Variants in ADRA1B observed in about 807,000 individuals in gnomAD.
The protein encoded by ADRA1B is alpha-1B adrenergic receptor.
In ADRA1B, 17 loss-of-function variants were observed where a neutral mutation model predicts 17.9. The ratio of observed to expected loss-of-function variants is 0.95; its 90% CI spans 0.65 to 1.42. The LOEUF is 1.42. ADRA1B is among the 40% of genes most tolerant of loss of function. The pLI is 0.00. For missense variants in ADRA1B, 681 were observed against 722.1 expected, an observed-to-expected ratio of 0.94 and a Z score of 0.65; for synonymous variants, 366 against 327.6, an observed-to-expected ratio of 1.12 and a Z score of -1.27.
intron 1 of ADRA1B, among the ~76,000 whole-genome samples, chr5:159,951,936 C>T (rs1471137026): frequency 6.6e-6 from 1 of 152,208 alleles, no homozygotes; most frequent in Admixed American, 6.5e-5. Flanking sequence ...TCTCTTCTCC[C>T]TCCACCTTCT....
chr5:159,973,763 A>G (rs1755929285), downstream of ADRA1B, among the ~76,000 whole-genome samples: 1 of 152,194 alleles, frequency 6.6e-6, no homozygotes, highest in Non-Finnish European at 1.5e-5. Flanking sequence ...TATTGTATGA[A>G]GAGCAGAGAC....
chr5:159,936,850 C>T (rs1754968265), intron 1 of ADRA1B, among the ~76,000 whole-genome samples: 1 of 152,200 alleles, frequency 6.6e-6, no homozygotes, highest in Admixed American at 6.5e-5. Flanking sequence ...TTCTCTGACT[C>T]ACCCCAGGCT....
At chr5:159,960,706 C>CT (rs747222343) in intron 1 of ADRA1B, among the ~76,000 whole-genome samples, 49 of 118,812 alleles carry the variant, frequency 4.1e-4, no homozygotes, top group Middle Eastern at 4.2e-3. Context: ...GACCCCAGCT[C>CT]TTAAAAAAAA....
chr5:159,970,729 C>G (rs1181823453), intron 1 of ADRA1B, among the ~76,000 whole-genome samples: 1 of 152,212 alleles, frequency 6.6e-6, no homozygotes, highest in African/African-American at 2.4e-5. Flanking sequence ...CACCCCACAC[C>G]CCTGTGTGAA....
chr5:159,934,597 G>T (rs1754903004), intron 1 of ADRA1B, among the ~76,000 whole-genome samples: 1 of 151,950 alleles, frequency 6.6e-6, no homozygotes, highest in Non-Finnish European at 1.5e-5. Context: ...TTGAGGTCAG[G>T]AGTTTGAGAC....
chr5:159,939,936 T>C (rs895714432), intron 1 of ADRA1B, among the ~76,000 whole-genome samples: 1 of 152,210 alleles, frequency 6.6e-6, no homozygotes, highest in Non-Finnish European at 1.5e-5. Context: ...TCTTGTGCGA[T>C]CTCTGTCCTC....
chr5:159,971,787 G>C (rs1581074375), intron 1 of ADRA1B, 92 bp from the exon 2 acceptor site: 22 of 1,266,790 alleles, frequency 1.7e-5, no homozygotes, highest in Non-Finnish European at 2.1e-5. Context: ...GCTGCAGGTT[G>C]ACAATGTTGA....
At chr5:159,892,490 C>T (rs188800590) in intron 1 of ADRA1B, among the ~76,000 whole-genome samples, 245 of 152,304 alleles carry the variant, frequency 1.6e-3, no homozygotes, top group Middle Eastern at 6.8e-3. Flanking sequence ...TTCTCCCCCT[C>T]AACACTCTGA....
the ADRA1B span, among the ~76,000 whole-genome samples, chr5:159,980,511 T>G: frequency 6.6e-6 from 1 of 152,194 alleles, no homozygotes; most frequent in African/African-American, 2.4e-5. Context: ...TAGTACAGCC[T>G]GGTCATTAGG....
At chr5:159,951,463 T>C (rs755089388) in intron 1 of ADRA1B, 4 of 726,522 alleles carry the variant, frequency 5.5e-6, no homozygotes, top group Non-Finnish European at 7.6e-6. Context: ...GCCCAATACA[T>C]CCAAATCCGT....
chr5:159,968,295 C>G (rs1755810164), intron 1 of ADRA1B, among the ~76,000 whole-genome samples: 1 of 152,130 alleles, frequency 6.6e-6, no homozygotes, highest in African/African-American at 2.4e-5. Flanking sequence ...TAGCACAGGA[C>G]CTGCAGAGCA....
chr5:159,866,295 G>GAAAA (rs34220518), intron 1 of ADRA1B, among the ~76,000 whole-genome samples: 1 of 90,250 alleles, frequency 1.1e-5, no homozygotes. Context: ...AACATAGTGA[G>GAAAA]AAAAAAAAAA....
chr5:159,938,669 C>T (rs975722493), intron 1 of ADRA1B, among the ~76,000 whole-genome samples: 2 of 152,210 alleles, frequency 1.3e-5, no homozygotes, highest in Admixed American at 6.5e-5. Flanking sequence ...AATACAATTG[C>T]TTAGGATTTG....
At chr5:159,915,302 G>C (rs1486889905), upstream of ADRA1B, among the ~76,000 whole-genome samples, 1 of 152,156 alleles carries the variant, frequency 6.6e-6, no homozygotes, top group Admixed American at 6.5e-5. Context: ...CCATAATTTG[G>C]TGTCTCATCC....
At chr5:159,892,043 C>A (rs1753988549) in intron 1 of ADRA1B, among the ~76,000 whole-genome samples, 1 of 152,166 alleles carries the variant, frequency 6.6e-6, no homozygotes, top group South Asian at 2.1e-4. Flanking sequence ...TGGACATCAG[C>A]CTGGCCAACA....
intron 1 of ADRA1B, among the ~76,000 whole-genome samples, chr5:159,899,279 G>A (rs201078234): frequency 7.9e-4 from 109 of 138,706 alleles, no homozygotes; most frequent in Middle Eastern, 7.5e-3. Context: ...AGGAAGGAAG[G>A]AAGGAAGGAA....
intron 1 of ADRA1B, among the ~76,000 whole-genome samples, chr5:159,904,597 G>A (rs576669534): frequency 6.6e-6 from 1 of 152,208 alleles, no homozygotes; most frequent in Non-Finnish European, 1.5e-5. Context: ...TTAGACGGAA[G>A]AAGGATTAGC....
chr5:159,895,601 A>G (rs1754032870), intron 1 of ADRA1B, among the ~76,000 whole-genome samples: 2 of 152,160 alleles, frequency 1.3e-5, no homozygotes, highest in Admixed American at 1.3e-4. Context: ...GCAAACCACT[A>G]TGGCAGACGT....
chr5:159,962,329 T>G (rs1043119253), intron 1 of ADRA1B, among the ~76,000 whole-genome samples: 1 of 152,146 alleles, frequency 6.6e-6, no homozygotes, highest in African/African-American at 2.4e-5. Context: ...AACAAAAGAT[T>G]TCATTTAAAA....
Sources: allele counts gnomAD v4.1 joint callset (sites outside exome capture counted in the v4.1 genomes callset), GRCh38; gene constraint gnomAD v4.1.1; transcripts MANE v1.5; gene names NCBI Gene and HGNC (gene_info 2026-07-23, HGNC 2026-07-21).